NEIL3: variants seen among roughly 807,000 people sequenced by gnomAD.
The protein encoded by NEIL3 is endonuclease 8-like 3.
A neutral mutation model predicts 57.5 loss-of-function variants in NEIL3; 48 were observed. The observed-to-expected ratio is 0.83, with a 90% CI of 0.66 to 1.06. The LOEUF is 1.06. Ranked by LOEUF, NEIL3 falls within the 50% of genes least tolerant of loss-of-function variation. The pLI is 0.00. For missense variants in NEIL3, 717 were observed against 739.1 expected, an observed-to-expected ratio of 0.97 and a Z score of 0.35; for synonymous variants, 261 against 253.2, an observed-to-expected ratio of 1.03 and a Z score of -0.29.
the NEIL3 span, among the ~76,000 whole-genome samples, chr4:177,370,833 C>T: frequency 6.6e-6 from 1 of 151,702 alleles, no homozygotes; most frequent in Non-Finnish European, 1.5e-5. Flanking sequence ...CCAGGGAGGT[C>T]GAGGCTGCAG....
chr4:177,338,795 T>TGGTC (rs1735027843), intron 4 of NEIL3, among the ~76,000 whole-genome samples: 1 of 152,232 alleles, frequency 6.6e-6, no homozygotes, highest in South Asian at 2.1e-4. Context: ...GTGACCTTGG[T>TGGTC]GGTCATCTAC....
chr4:177,371,243 A>G, the NEIL3 span, among the ~76,000 whole-genome samples: 3 of 152,336 alleles, frequency 2.0e-5, no homozygotes, highest in East Asian at 5.8e-4. Flanking sequence ...TGGTTTACCT[A>G]TTAATAAATA....
chr4:177,352,665 C>T (rs1735382060), intron 7 of NEIL3, among the ~76,000 whole-genome samples: 1 of 152,088 alleles, frequency 6.6e-6, no homozygotes, highest in East Asian at 1.9e-4. Context: ...CCCATCTCTA[C>T]TAAAAATACA....
At chr4:177,324,880 A>T (rs1245013118) in intron 2 of NEIL3, among the ~76,000 whole-genome samples, 1 of 152,158 alleles carries the variant, frequency 6.6e-6, no homozygotes, top group Non-Finnish European at 1.5e-5. Flanking sequence ...ACCCAGCTGC[A>T]CTCACACTGA....
intron 4 of NEIL3, among the ~76,000 whole-genome samples, 175 bp downstream of exon 4, chr4:177,336,496 T>C (rs1357380541): frequency 6.6e-6 from 1 of 152,206 alleles, no homozygotes; most frequent in Non-Finnish European, 1.5e-5. Flanking sequence ...CCACCGCACT[T>C]GCACTTACAG....
At chr4:177,364,666 A>G (rs763483114), downstream of NEIL3, among the ~76,000 whole-genome samples, 19 of 152,182 alleles carry the variant, frequency 1.2e-4, no homozygotes, top group Non-Finnish European at 2.8e-4. Context: ...ACGGTGGCTC[A>G]CACCTGTAAT....
intron 4 of NEIL3, 43 bp from the exon 5 acceptor site, chr4:177,339,740 A>T: frequency 7.7e-7 from 1 of 1,294,376 alleles, no homozygotes. Context: ...TACAGTAATG[A>T]GCAAGTCATG....
chr4:177,367,817 T>C (rs1735710597), downstream of NEIL3, among the ~76,000 whole-genome samples: 1 of 152,230 alleles, frequency 6.6e-6, no homozygotes, highest in Admixed American at 6.5e-5. Flanking sequence ...CCACTGTTTA[T>C]TGAACCTTTC....
chr4:177,345,668 A>G (rs1022350346), intron 6 of NEIL3, among the ~76,000 whole-genome samples: 1 of 134,982 alleles, frequency 7.4e-6, no homozygotes, highest in African/African-American at 2.8e-5. Context: ...GGCATGAGCC[A>G]CCACGCCTGG....
chr4:177,338,448 C>A (rs1228824507), intron 4 of NEIL3, among the ~76,000 whole-genome samples: 1 of 152,166 alleles, frequency 6.6e-6, no homozygotes, highest in Admixed American at 6.5e-5. Flanking sequence ...GGCTTCACAT[C>A]TCACAAATAC....
chr4:177,327,022 G>T (rs1734794793), intron 2 of NEIL3, among the ~76,000 whole-genome samples: 1 of 152,084 alleles, frequency 6.6e-6, no homozygotes, highest in South Asian at 2.1e-4. Context: ...ACTGGATCAT[G>T]GGGGCTGTTT....
At chr4:177,317,114 C>T (rs2111111905) in intron 1 of NEIL3, among the ~76,000 whole-genome samples, 1 of 152,282 alleles carries the variant, frequency 6.6e-6, no homozygotes, top group South Asian at 2.1e-4. Context: ...TAATATCTAC[C>T]TTGAATTCCT....
At chr4:177,319,768 T>TGA (rs760873305) in intron 1 of NEIL3, among the ~76,000 whole-genome samples, 1 of 152,076 alleles carries the variant, frequency 6.6e-6, no homozygotes, top group Middle Eastern at 3.4e-3. Flanking sequence ...CTACTATATA[T>TGA]GAGAGAGAGA....
At chr4:177,353,243 T>A (rs1735396727) in intron 7 of NEIL3, 65 bp from the exon 8 acceptor site, 2 of 1,321,596 alleles carry the variant, frequency 1.5e-6, no homozygotes, top group Non-Finnish European at 1.1e-6. Context: ...AATAAAAAGA[T>A]GTTTCACATA....
chr4:177,329,712 C>T (rs1734847229), intron 2 of NEIL3, among the ~76,000 whole-genome samples: 1 of 152,146 alleles, frequency 6.6e-6, no homozygotes, highest in South Asian at 2.1e-4. Flanking sequence ...CTATCAACCA[C>T]CTTGACCTAA....
chr4:177,351,268 CAAT>C (rs1735344917), intron 6 of NEIL3, 109 bp from the exon 7 acceptor site: 1 of 298,542 alleles, frequency 3.3e-6, no homozygotes, highest in Non-Finnish European at 5.9e-6. Flanking sequence ...AACTTCCAAG[CAAT>C]AATAAAGAGA....
chr4:177,336,473 C>T (rs931023126), intron 4 of NEIL3, 152 bp downstream of exon 4: 42 of 642,008 alleles, frequency 6.5e-5, no homozygotes, highest in Middle Eastern at 4.1e-4. Context: ...TTTCTCAGTG[C>T]AGCCGGCTCC....
At chr4:177,312,678 G>A (rs1734499587) in intron 1 of NEIL3, among the ~76,000 whole-genome samples, 1 of 151,968 alleles carries the variant, frequency 6.6e-6, no homozygotes, top group Non-Finnish European at 1.5e-5. Context: ...GGCATTTAAA[G>A]GTATTATTTT....
chr4:177,341,749 G>A (rs1273393946), intron 6 of NEIL3, 107 bp downstream of exon 6: 22 of 979,282 alleles, frequency 2.2e-5, no homozygotes, highest in Admixed American at 9.5e-5. Context: ...AGAAGAGAAC[G>A]TGACTCAAAA....
Sources: gnomAD v4.1 joint callset for allele counts (sites outside exome capture counted in the v4.1 genomes callset) on GRCh38, gnomAD v4.1.1 for gene constraint, MANE v1.5 for transcripts, NCBI Gene and HGNC (gene_info 2026-07-23, HGNC 2026-07-21) for gene names.